BICD2: variants seen among roughly 807,000 people sequenced by gnomAD.
BICD2 encodes BICD cargo adaptor 2, also known as protein bicaudal D homolog 2.
A neutral mutation model predicts 72.9 loss-of-function variants in BICD2; 25 were observed. The ratio of observed to expected loss-of-function variants is 0.34; its 90% confidence interval spans 0.25 to 0.48. The LOEUF is 0.48. Among genes scored for constraint, BICD2 ranks in the 20% least tolerant of loss-of-function variants. BICD2 has a pLI of 0.99. For missense variants in BICD2, 894 were observed against 1,175.2 expected, an observed-to-expected ratio of 0.76 and a Z score of 3.50; for synonymous variants, 501 against 516.1, an observed-to-expected ratio of 0.97 and a Z score of 0.40.
chr9:92,758,551 C>CAAAA lies in BICD2; in HGVS notation c.240+5950_240+5953dup, dbSNP rs35074765. ...TGGGCAACATAACAAGACTCCGTCTCAAAAAAAAAAAAAAAAAGGCTGGGC... is the reference window on the plus strand; with the variant it reads ...TGGGCAACATAACAAGACTCCGTCTCAAAAAAAAAAAAAAAAAAAAAGGCTGGGC... On this transcript the variant is annotated intron_variant, in intron 1 of 6. Transcript: ENST00000356884. Among the ~76,000 whole-genome samples the CAAAA allele has an allele frequency of 9.1e-4, 87 of 95,686 alleles. 3 individuals carry two copies. The South Asian group carries it at 0.01, about 11-fold the overall frequency. 62.8% of individuals were successfully genotyped at this position (95,686 alleles called of 152,430 possible).
Position 92,717,966 on chromosome 9 carries a change from A to T in BICD2, c.2107-18T>A. On this transcript the variant is annotated intron_variant, in intron 5 of 6. Transcript: ENST00000356884. ...TCGGCCGTCTGGGGGACAGATGTGT[A>T]GGGTGGAAAAGTGAAAGGCGTGAAG... 1 of 1,609,332 alleles carries T rather than the reference A, an allele frequency of 6.2e-7. No individual in the cohort carries two copies. The highest frequency in any genetic ancestry group is 8.5e-7 in the Non-Finnish European group (1 of 1,178,112).
At chr9:92,716,760 C>T (rs1853323412) in intron 6 of BICD2, among the ~76,000 whole-genome samples, 1 of 152,250 alleles carries the variant, frequency 6.6e-6, no homozygotes, top group African/African-American at 2.4e-5. Flanking sequence ...CCAGGACCTG[C>T]CCCACAGAGG....
In BICD2 at chr9:92,713,299, G is replaced by C. The variant is rs1354920803; in HGVS notation, c.*1855C>G. The C allele has an allele frequency of 3.7e-6, 3 of 804,222 alleles. No individual in the cohort carries two copies. Among genetic ancestry groups the C allele is most frequent in the Non-Finnish European group, 6.0e-6 (3 of 500,872 alleles). The allele number at this position is 804,222 out of a possible 1,614,324, so 49.8% of individuals were successfully genotyped here. On this transcript the variant is annotated 3_prime_UTR_variant, in exon 7 of 7. Transcript: ENST00000356884. ...TTTTTTTCCTCCCATTAAAAACCTGGGGAATGCTATTTTGAAAAGAATTGC... is the reference window on the plus strand; with the variant it reads ...TTTTTTTCCTCCCATTAAAAACCTGCGGAATGCTATTTTGAAAAGAATTGC...
At chr9:92,761,210 C>A (rs1360401018) in intron 1 of BICD2, among the ~76,000 whole-genome samples, 1 of 152,138 alleles carries the variant, frequency 6.6e-6, no homozygotes, top group Admixed American at 6.5e-5. Context: ...ATGCTTAGGG[C>A]AGCCCTTGGG....
chr9:92,714,955 G>A lies in BICD2; in HGVS notation c.*199C>T. 7.2e-7 allele frequency: 1 copy of A among 1,394,948 alleles called. No homozygotes were observed. The highest frequency in any genetic ancestry group is 1.7e-5 in the South Asian group (1 of 59,790). The allele number at this position is 1,394,948 out of a possible 1,614,324, so 86.4% of individuals were successfully genotyped here. ...GAGCAGCTGAGGACTGGGTGCTCCT[G>A]AGGGGGCTTTGAGGAGTGAGAAGCG... On this transcript the variant is annotated 3_prime_UTR_variant, in exon 7 of 7. Transcript: ENST00000356884.
intron 1 of BICD2, among the ~76,000 whole-genome samples, chr9:92,754,603 A>G (rs961366577): frequency 2.0e-5 from 3 of 152,216 alleles, no homozygotes; most frequent in African/African-American, 7.2e-5. Context: ...AGGGACCCCA[A>G]ACAGAGAGAC....
intron 1 of BICD2, among the ~76,000 whole-genome samples, chr9:92,759,798 G>A (rs1238517107): frequency 6.6e-6 from 1 of 152,252 alleles, no homozygotes; most frequent in Non-Finnish European, 1.5e-5. Context: ...CCCCCGATGT[G>A]TGTAACAGTT....
At chr9:92,721,983 G>A (rs1853472904) in intron 3 of BICD2, among the ~76,000 whole-genome samples, 1 of 152,228 alleles carries the variant, frequency 6.6e-6, no homozygotes, top group Non-Finnish European at 1.5e-5. Context: ...TAGAGGATTT[G>A]AGGAAAGCAA....
In BICD2 at chr9:92,715,483, G is replaced by T. The variant is rs1240686778; in HGVS notation, c.2259-20C>A. ...TCACACCTGTGGGTACCAAAAACAT[G>T]ACTGAGGGGCGGGCAGAGCCGAGCA... is the stretch of plus-strand genomic sequence containing the variant. On this transcript the variant is annotated intron_variant, in intron 6 of 6. Coordinates refer to ENST00000356884, the MANE Select transcript of BICD2 (RefSeq NM_001003800.2). The T allele has an allele frequency of 6.4e-7, 1 of 1,561,606 alleles. No individual in the cohort carries two copies. Among genetic ancestry groups the T allele is most frequent in the South Asian group, 1.2e-5 (1 of 83,630 alleles).
At chr9:92,738,572 C>A (rs1432446573) in intron 1 of BICD2, among the ~76,000 whole-genome samples, 1 of 152,224 alleles carries the variant, frequency 6.6e-6, no homozygotes, top group African/African-American at 2.4e-5. Context: ...TGGCCATCAG[C>A]CCTAGCTAGT....
intron 1 of BICD2, among the ~76,000 whole-genome samples, chr9:92,745,073 T>C (rs1474527506): frequency 6.6e-6 from 1 of 152,162 alleles, no homozygotes; most frequent in African/African-American, 2.4e-5. Flanking sequence ...TTTTCATAAA[T>C]GAACTTCAGC....
rs1853275346 is a variant in BICD2, at chr9:92,715,124, T to C, written c.*30A>G. 1.3e-6 allele frequency: 2 copies of C among 1,538,634 alleles called. No homozygotes were observed. Among genetic ancestry groups the C allele is most frequent in the South Asian group, 1.2e-5 (1 of 80,008 alleles). ...TGGGTTAGTTGAGGTGAAGCAGATG[T>C]TAGCTGCAGCGTGCGGCGCCCCACA... On this transcript the variant is annotated 3_prime_UTR_variant, in exon 7 of 7. Transcript: ENST00000356884.
At position 92,720,696 on chromosome 9, in the gene BICD2, G is replaced by A. The variant is rs1853447481; in HGVS notation, c.666C>T (p.Leu222=). The change falls in exon 4 of 7, where the codon CTC becomes CTT. Residue 222 remains leucine (L), a synonymous_variant. Coordinates refer to ENST00000356884, the MANE Select transcript of BICD2 (RefSeq NM_001003800.2). This position sits in a 1 kb window ranked among gnomAD's most constrained non-coding sequence, Gnocchi z 5.4. ...GGATGGCATCCTCCAGCTGGCTGTT[G>A]AGGTACTCGGTCTCCTCCTCCAGAC... is the stretch of plus-strand genomic sequence containing the variant. ...IKRLEEETEY[L]NSQLEDAIRL... 1 of 1,614,158 alleles carries A rather than the reference G, an allele frequency of 6.2e-7. No homozygotes were observed. Among genetic ancestry groups the A allele is most frequent in the Non-Finnish European group, 8.5e-7 (1 of 1,180,046 alleles).
At chr9:92,734,419 C>T (rs538835379) in intron 1 of BICD2, among the ~76,000 whole-genome samples, 98 of 150,946 alleles carry the variant, frequency 6.5e-4, no homozygotes, top group African/African-American at 2.3e-3. Context: ...GAGGCTGATG[C>T]ACAAGAATCC....
chr9:92,750,305 T>C (rs558553903), intron 1 of BICD2, among the ~76,000 whole-genome samples: 1 of 152,222 alleles, frequency 6.6e-6, no homozygotes, highest in East Asian at 1.9e-4. Context: ...CTTCAGGTAA[T>C]TACCCAAATG....
At chr9:92,716,476 T>C (rs1003420344) in intron 6 of BICD2, among the ~76,000 whole-genome samples, 3 of 152,172 alleles carry the variant, frequency 2.0e-5, no homozygotes, top group Non-Finnish European at 4.4e-5. Context: ...CCTGCAGGGA[T>C]ACTGAGAAAC....
chr9:92,731,991 C>T (rs1853688364), intron 1 of BICD2, among the ~76,000 whole-genome samples: 1 of 152,164 alleles, frequency 6.6e-6, no homozygotes, highest in Non-Finnish European at 1.5e-5. Flanking sequence ...CAATCTGATT[C>T]CAAGTCACTT....
chr9:92,758,278 G>A (rs1163819392), intron 1 of BICD2, among the ~76,000 whole-genome samples: 3 of 151,590 alleles, frequency 2.0e-5, no homozygotes, highest in African/African-American at 7.3e-5. Flanking sequence ...GCAGCCAGGC[G>A]CAGTGGCTCA....
In BICD2 at chr9:92,720,725, T is replaced by C; in HGVS notation, c.637A>G (p.Lys213Glu). Residue 213 changes from lysine to glutamate, a missense_variant, in exon 4 of 7, where the codon AAG becomes GAG. This residue lies in a region of BICD2 where 371 missense variants were observed against 439.1 expected (regional missense o/e 0.84). Coordinates refer to ENST00000356884, the MANE Select transcript of BICD2 (RefSeq NM_001003800.2). The surrounding 1 kb of genome is among the most constrained non-coding windows in gnomAD (Gnocchi z 5.4). ...TACTCGGTCTCCTCCTCCAGACGCT[T>C]GATCTCATGCTTGAGGCCCTCAAAC... The part of the protein sequence containing the change: ...VEFEGLKHEI[K>E]RLEEETEYLN... 1 of 1,614,016 alleles carries C rather than the reference T, an allele frequency of 6.2e-7. No individual in the cohort carries two copies. The highest frequency in any genetic ancestry group is 8.5e-7 in the Non-Finnish European group (1 of 1,179,960).
Sources: gnomAD v4.1 joint callset for allele counts (sites outside exome capture counted in the v4.1 genomes callset) on GRCh38, gnomAD v4.1.1 for gene constraint, gnomAD v4.1.1 regional missense constraint, Gnocchi (gnomAD v3.1) non-coding constraint, MANE v1.5 for transcripts, NCBI Gene and HGNC (gene_info 2026-07-23, HGNC 2026-07-21) for gene names.